The following PALM2AKAP2 variants were observed in gnomAD, a reference collection of about 807,000 sequenced individuals.
PALM2AKAP2 encodes PALM2 and AKAP2 fusion, also known as PALM2-AKAP2 fusion protein.
In PALM2AKAP2, 37 loss-of-function variants were observed where a neutral mutation model predicts 71.5. The observed-to-expected ratio is 0.52, with a 90% CI of 0.40 to 0.68. The LOEUF is 0.68. Among genes scored for constraint, PALM2AKAP2 ranks in the 30% least tolerant of loss-of-function variants. The pLI, the probability that PALM2AKAP2 is intolerant of heterozygous loss-of-function variation, is 0.00. For missense variants in PALM2AKAP2, 1,224 were observed against 1,191.8 expected, an observed-to-expected ratio of 1.03 and a Z score of -0.40; for synonymous variants, 468 against 478.8, an observed-to-expected ratio of 0.98 and a Z score of 0.29.
exon 2 of PALM2AKAP2, chr9:110,138,023 G>C (rs1835934150): frequency 6.2e-7 from 1 of 1,613,716 alleles, no homozygotes; most frequent in African/African-American, 1.3e-5. Flanking sequence ...AACCAGCAGG[G>C]ATGGAGCAGA....
At chr9:109,968,984 G>GA (rs1223209700) in intron 6 of PALM2AKAP2, among the ~76,000 whole-genome samples, 1 of 151,824 alleles carries the variant, frequency 6.6e-6, no homozygotes, top group Admixed American at 6.6e-5. Flanking sequence ...TAGAGACTAA[G>GA]AAAAAAACTG....
intron 1 of PALM2AKAP2, among the ~76,000 whole-genome samples, chr9:109,762,990 C>T (rs1376053986): frequency 6.6e-6 from 1 of 152,150 alleles, no homozygotes; most frequent in Non-Finnish European, 1.5e-5. Context: ...TGATCAGAGC[C>T]AGGCACATGC....
intron 6 of PALM2AKAP2, among the ~76,000 whole-genome samples, chr9:109,963,940 G>A (rs1377090707): frequency 6.6e-6 from 1 of 152,178 alleles, no homozygotes; most frequent in Non-Finnish European, 1.5e-5. Flanking sequence ...ACAGAGCAGA[G>A]GGTACAAAGA....
chr9:109,741,064 G>A (rs79640350), intron 1 of PALM2AKAP2, among the ~76,000 whole-genome samples: 6,494 of 152,250 alleles, frequency 0.043, 192 homozygotes, highest in Non-Finnish European at 0.053. Flanking sequence ...TTTATACTCT[G>A]CAACTATCAT....
intron 1 of PALM2AKAP2, among the ~76,000 whole-genome samples, chr9:109,711,903 A>T (rs1467251316): frequency 6.6e-6 from 1 of 152,060 alleles, no homozygotes; most frequent in African/African-American, 2.4e-5. Context: ...TTTGTTATCT[A>T]TCTATATATA....
At chr9:109,711,636 G>A (rs1402444248) in intron 1 of PALM2AKAP2, among the ~76,000 whole-genome samples, 5 of 152,236 alleles carry the variant, frequency 3.3e-5, no homozygotes, top group African/African-American at 4.8e-5. Context: ...ACATAACAGA[G>A]CTGGGAGTCC....
At chr9:109,998,894 T>C (rs1406664655) in intron 6 of PALM2AKAP2, among the ~76,000 whole-genome samples, 1 of 152,142 alleles carries the variant, frequency 6.6e-6, no homozygotes, top group African/African-American at 2.4e-5. Flanking sequence ...AGGAGGCTTC[T>C]GCCCTGATGG....
intron 6 of PALM2AKAP2, among the ~76,000 whole-genome samples, chr9:110,011,176 G>A (rs1394825468): frequency 6.9e-6 from 1 of 145,496 alleles, no homozygotes; most frequent in Non-Finnish European, 1.5e-5. Flanking sequence ...TATATGTATG[G>A]AATATATATA....
chr9:109,959,819 G>T (rs1351654542), intron 6 of PALM2AKAP2, among the ~76,000 whole-genome samples: 1 of 152,038 alleles, frequency 6.6e-6, no homozygotes, highest in Admixed American at 6.5e-5. Context: ...TTCCCTCATT[G>T]AATGTTGGAA....
intron 1 of PALM2AKAP2, among the ~76,000 whole-genome samples, chr9:110,091,459 CTTTTT>C (rs66848294): frequency 6.0e-5 from 5 of 83,652 alleles, no homozygotes; most frequent in Admixed American, 3.4e-4. Context: ...GAGATTTATT[CTTTTT>C]TTTTTTTTTT....
At chr9:110,026,429 T>A (rs1036252881) in intron 7 of PALM2AKAP2, among the ~76,000 whole-genome samples, 3 of 152,152 alleles carry the variant, frequency 2.0e-5, no homozygotes, top group African/African-American at 7.2e-5. Flanking sequence ...TTTTCTTTAA[T>A]TTTTTTATTA....
chr9:110,010,395 G>A (rs1832858989), intron 6 of PALM2AKAP2, among the ~76,000 whole-genome samples: 1 of 149,812 alleles, frequency 6.7e-6, no homozygotes, highest in South Asian at 2.1e-4. Context: ...GCAGTATATA[G>A]AAGTATAATA....
intron 6 of PALM2AKAP2, among the ~76,000 whole-genome samples, chr9:109,994,306 T>C (rs1432724018): frequency 6.6e-6 from 1 of 152,206 alleles, no homozygotes; most frequent in Non-Finnish European, 1.5e-5. Flanking sequence ...TGCTAAGTTA[T>C]GGATACATCC....
intron 1 of PALM2AKAP2, among the ~76,000 whole-genome samples, chr9:110,088,532 T>G (rs1211230090): frequency 6.6e-6 from 1 of 152,046 alleles, no homozygotes; most frequent in Non-Finnish European, 1.5e-5. Context: ...CTTTTGTTAC[T>G]TTGGTGTGGA....
At chr9:109,939,600 G>C (rs1322829936) in intron 6 of PALM2AKAP2, among the ~76,000 whole-genome samples, 1 of 152,204 alleles carries the variant, frequency 6.6e-6, no homozygotes, top group Non-Finnish European at 1.5e-5. Flanking sequence ...CCATGAGTGT[G>C]TTAATAGTGA....
At chr9:109,649,104 A>G (rs190685245) in intron 1 of PALM2AKAP2, among the ~76,000 whole-genome samples, 150 of 151,814 alleles carry the variant, frequency 9.9e-4, no homozygotes, top group African/African-American at 3.4e-3. Flanking sequence ...TTAAACACTG[A>G]AAGTTTGGTA....
intron 1 of PALM2AKAP2, among the ~76,000 whole-genome samples, chr9:109,687,888 C>A (rs1386202106): frequency 2.6e-5 from 4 of 152,064 alleles, no homozygotes; most frequent in African/African-American, 9.7e-5. Flanking sequence ...ACCTAGAGAC[C>A]ATTGTAGGGT....
chr9:109,924,326 A>G (rs1376572180), intron 4 of PALM2AKAP2, among the ~76,000 whole-genome samples: 2 of 152,198 alleles, frequency 1.3e-5, no homozygotes, highest in Non-Finnish European at 2.9e-5. Flanking sequence ...CTGTATATAG[A>G]AACAGATGGT....
At chr9:109,709,339 G>C (rs1564120829) in intron 1 of PALM2AKAP2, among the ~76,000 whole-genome samples, 1 of 152,142 alleles carries the variant, frequency 6.6e-6, no homozygotes, top group Admixed American at 6.6e-5. Flanking sequence ...GCTTCTTCCT[G>C]CCTCCCATGT....
Sources: allele counts gnomAD v4.1 joint callset (sites outside exome capture counted in the v4.1 genomes callset), GRCh38; gene constraint gnomAD v4.1.1; transcripts MANE v1.5; gene names NCBI Gene and HGNC (gene_info 2026-07-23, HGNC 2026-07-21).